The following MAP1A variants were observed in gnomAD, a reference collection of about 807,000 sequenced individuals.
The protein encoded by MAP1A is microtubule associated protein 1A, also known as microtubule-associated protein 1A.
In MAP1A, 42 loss-of-function variants were observed where a neutral mutation model predicts 185.9. The observed-to-expected ratio is 0.23, with a 90% CI of 0.18 to 0.29. The LOEUF is 0.29. Ranked by LOEUF, MAP1A falls within the 10% of genes least tolerant of loss-of-function variation. The pLI is 1.00. For synonymous variants in MAP1A, 1,229 were observed against 1,335.9 expected (o/e 0.92, Z 1.74); for missense variants, 2,995 against 3,450.4 (o/e 0.87, Z 3.31).
chr15:43,512,256 C>T, exon 2 of MAP1A: 1 of 1,549,108 alleles, frequency 6.5e-7, no homozygotes. Flanking sequence ...CTCTTCATTA[C>T]CCGGCACCTA....
chr15:43,512,097 T>C (rs892096562), intron 1 of MAP1A: 13 of 741,662 alleles, frequency 1.8e-5, no homozygotes, highest in African/African-American at 5.2e-5. Flanking sequence ...CTCCCTCTCC[T>C]TACCTGTTCT....
Position 43,527,751 on chromosome 15 carries a change from C to G in MAP1A, c.6278C>G (p.Pro2093Arg). 6.2e-7 allele frequency: 1 copy of G among 1,613,806 alleles called. No homozygotes were observed. Among genetic ancestry groups the G allele is most frequent in the Non-Finnish European group, 8.5e-7 (1 of 1,179,874 alleles). The change falls in exon 4 of 6, where the codon CCC (proline) becomes CGC (arginine). Residue 2093 changes from proline to arginine, a missense_variant. Transcript: ENST00000300231. ...SCSPDRRSPS[P>R]KESGRSHWDD... ...AGCCCAGATAGGAGGTCCCCATCCC[C>G]CAAGGAATCAGGCCGGAGTCACTGG...
At chr15:43,513,804 G>A (rs959302474), upstream of MAP1A, among the ~76,000 whole-genome samples, 13 of 152,098 alleles carry the variant, frequency 8.5e-5, no homozygotes, top group African/African-American at 2.4e-4. Flanking sequence ...GATGAAAATC[G>A]GCAGTTTTAC....
rs2079362300 is a variant in MAP1A, at chr15:43,529,470, T to C, written c.7997T>C (p.Met2666Thr). 1 of 1,612,376 alleles carries C rather than the reference T, an allele frequency of 6.2e-7. No homozygotes were observed. The highest frequency in any genetic ancestry group is 1.7e-5 in the Admixed American group (1 of 59,912). Residue 2666 changes from methionine (M) to threonine (T), a missense_variant, in exon 4 of 6, where the codon ATG (methionine) becomes ACG (threonine). Around this residue, in one of 3 missense-constraint regions of MAP1A, gnomAD observed 2,728 missense variants for 2,986.0 expected, o/e 0.91. Transcript: ENST00000300231. This position sits in a 1 kb window ranked among gnomAD's most constrained non-coding sequence, Gnocchi z 4.3. ...GAGGAAAAGGATGGACACAGCCCCA[T>C]GTCCAAAGGCCTAGTCAATGGACTC... Reference protein sequence around the residue: ...PAEEKDGHSPMSKGLVNGLKA... With the variant: ...PAEEKDGHSPTSKGLVNGLKA...
rs777636550 is a variant in MAP1A at position 43,526,015 on chromosome 15, G to A, written c.4542G>A (p.Thr1514=). 1.9e-5 allele frequency: 31 copies of A among 1,613,388 alleles called. No individual in the cohort carries two copies. The highest frequency in any genetic ancestry group is 2.7e-5 in the African/African-American group (2 of 74,762). ...RSVEHKAPED[T]VAEMKDRDLE... ...TTGAACATAAGGCTCCGGAGGACAC[G>A]GTCGCTGAAATGAAGGACAGAGACC... Residue 1514 remains threonine (T), a synonymous_variant, in exon 4 of 6, where the codon ACG becomes ACA. Transcript: ENST00000300231. This position sits in a 1 kb window ranked among gnomAD's most constrained non-coding sequence, Gnocchi z 4.7.
At position 43,523,795 on chromosome 15, in the gene MAP1A, C is replaced by A. The variant is rs1304003921; in HGVS notation, c.2322C>A (p.Asp774Glu). ...APPRFHTSTY[D>E]LPGPEGAGPF... ...CCAGATTTCATACAAGTACATATGACCTGCCCGGGCCTGAAGGTGCTGGCC... is the reference window on the plus strand; with the variant it reads ...CCAGATTTCATACAAGTACATATGAACTGCCCGGGCCTGAAGGTGCTGGCC... Residue 774 changes from aspartate to glutamate, a missense_variant, in exon 4 of 6, where the codon GAC becomes GAA. Asp to Glu is a conservative substitution (Grantham distance 45). Around this residue, in one of 3 missense-constraint regions of MAP1A, gnomAD observed 2,728 missense variants for 2,986.0 expected, o/e 0.91. Coordinates refer to ENST00000300231, the MANE Select transcript of MAP1A (RefSeq NM_002373.6). 3 of 1,613,980 alleles carry A rather than the reference C, an allele frequency of 1.9e-6. No individual in the cohort carries two copies. In the African/African-American group the frequency reaches 4.0e-5, roughly 22 times the overall value.
chr15:43,514,810 A>G (rs547506148), upstream of MAP1A, among the ~76,000 whole-genome samples: 1 of 152,348 alleles, frequency 6.6e-6, no homozygotes, highest in South Asian at 2.1e-4. Context: ...AAATTCAGAA[A>G]CAATTAGGAC....
At chr15:43,512,983 C>T (rs1409283531), upstream of MAP1A, among the ~76,000 whole-genome samples, 1 of 152,164 alleles carries the variant, frequency 6.6e-6, no homozygotes, top group Admixed American at 6.6e-5. Flanking sequence ...TAGGCACTAC[C>T]ATTCCATGAC....
Position 43,530,317 on chromosome 15 carries a change from C to A in MAP1A, c.*93C>A. 2 of 1,497,940 alleles carry A rather than the reference C, an allele frequency of 1.3e-6. No homozygotes were observed. The highest frequency in any genetic ancestry group is 1.8e-6 in the Non-Finnish European group (2 of 1,101,852). The allele number at this position is 1,497,940 out of a possible 1,614,324, so 92.8% of individuals were successfully genotyped here. On this transcript the variant is annotated 3_prime_UTR_variant, in exon 6 of 6. Coordinates refer to ENST00000300231, the MANE Select transcript of MAP1A (RefSeq NM_002373.6). Reference sequence around the variant, plus strand: ...CCTTTGGGGTTGAGGGAGATGGGAGCTAGGGGGAGGGGAGGGAGATGTCTT... The same window carrying A: ...CCTTTGGGGTTGAGGGAGATGGGAGATAGGGGGAGGGGAGGGAGATGTCTT...
intron 1 of MAP1A, among the ~76,000 whole-genome samples, chr15:43,518,605 A>G (rs2079307245): frequency 6.6e-6 from 1 of 151,520 alleles, no homozygotes; most frequent in Middle Eastern, 3.4e-3. Flanking sequence ...GCGCACACTC[A>G]CACACTGCGG....
rs532302578 is a variant in MAP1A at position 43,520,785 on chromosome 15, C to G, written c.-292+62C>G. The G allele has an allele frequency of 7.2e-6, 10 of 1,396,196 alleles. No homozygotes were observed. In the South Asian group the frequency reaches 1.2e-4, roughly 17 times the overall value. 86.5% of individuals were successfully genotyped at this position (1,396,196 alleles called of 1,614,324 possible). On this transcript the variant is annotated intron_variant, in intron 2 of 5. Coordinates refer to ENST00000300231, the MANE Select transcript of MAP1A (RefSeq NM_002373.6). ...GTGCAAGTGCTATACCCACCCTTGC[C>G]AGTGCTACCACTATTAGGCCAAGAA...
At position 43,527,173 on chromosome 15, in the gene MAP1A, G is replaced by C; in HGVS notation, c.5700G>C (p.Gly1900=). 2 of 1,613,824 alleles carry C rather than the reference G, an allele frequency of 1.2e-6. No individual in the cohort carries two copies. Among genetic ancestry groups the C allele is most frequent in the Non-Finnish European group, 1.7e-6 (2 of 1,179,924 alleles). The change falls in exon 4 of 6, where the codon GGG becomes GGC. Residue 1900 remains glycine, a synonymous_variant. Transcript: ENST00000300231. The stretch of plus-strand genomic sequence containing the variant: ...AGGGGGCAGCTGAGTTGGAAGGTGG[G>C]CCATACTCCCCCCTGGGGAAGGACT... ...VQEGAAELEG[G]PYSPLGKDYR... is the part of the protein sequence containing the mutation.
At position 43,524,083 on chromosome 15, in the gene MAP1A, C is replaced by T; in HGVS notation, c.2610C>T (p.Asp870=). ...CAGGCAAGAGCTCCCTGCTGCTTGA[C>T]ACAGTCACAAGCATCCCTTCCTCCC... ...EETGKSSLLL[D]TVTSIPSSRT... The change falls in exon 4 of 6, where the codon GAC becomes GAT. Residue 870 remains aspartate, a synonymous_variant. Transcript: ENST00000300231. 1 of 1,614,130 alleles carries T rather than the reference C, an allele frequency of 6.2e-7. No individual in the cohort carries two copies. The highest frequency in any genetic ancestry group is 8.5e-7 in the Non-Finnish European group (1 of 1,180,038).
rs145659671 is a variant in MAP1A, at chr15:43,525,917, G to A, written c.4444G>A (p.Asp1482Asn). ...AAAAGATAAAGACTTGGAACAAAAG[G>A]ACAGGGTCCTAGAACAGAAGGAGAA... Reference protein sequence around the residue: ...EPKDKDLEQKDRVLEQKEKIP... With the variant: ...EPKDKDLEQKNRVLEQKEKIP... Residue 1482 changes from aspartate to asparagine, a missense_variant, in exon 4 of 6, where the codon GAC becomes AAC. Asp to Asn is a conservative substitution (Grantham distance 23, BLOSUM62 1). This residue lies in a region of MAP1A where 2,728 missense variants were observed against 2,986.0 expected (regional missense o/e 0.91). Transcript: ENST00000300231. 0.013 allele frequency: 20,586 copies of A among 1,613,748 alleles called. 158 individuals carry two copies. Among genetic ancestry groups the A allele is most frequent in the Non-Finnish European group, 0.015 (17,697 of 1,179,786 alleles).
exon 2 of MAP1A, chr15:43,512,218 A>G: frequency 6.5e-7 from 1 of 1,549,562 alleles, no homozygotes; most frequent in Non-Finnish European, 8.7e-7. Flanking sequence ...TTGACCTGTC[A>G]TCCTTTGACT....
chr15:43,528,847 C>T lies in MAP1A; in HGVS notation c.7374C>T (p.Pro2458=). ...CATCCTTCCTGAACCCACCTCTGCC[C>T]CCATCCATAGATGATAGGGACCTCT... ...LSPSFLNPPL[P]PSIDDRDLST... Residue 2458 remains proline, a synonymous_variant, in exon 4 of 6, where the codon CCC becomes CCT. Coordinates refer to ENST00000300231, the MANE Select transcript of MAP1A (RefSeq NM_002373.6). The T allele has an allele frequency of 6.2e-7, 1 of 1,613,432 alleles. No homozygotes were observed.
In MAP1A at chr15:43,528,632, G is replaced by A. The variant is rs1473797901; in HGVS notation, c.7159G>A (p.Ala2387Thr). 1 of 1,613,102 alleles carries A rather than the reference G, an allele frequency of 6.2e-7. No homozygotes were observed. Among genetic ancestry groups the A allele is most frequent in the East Asian group, 2.2e-5 (1 of 44,864 alleles). ...AAATGAAGAGGCTGCGGCTTGCCCTGCCTGGGAACGTGGGGCCTGGCCTGA... is the reference window on the plus strand; with the variant it reads ...AAATGAAGAGGCTGCGGCTTGCCCTACCTGGGAACGTGGGGCCTGGCCTGA... ...AENEEAAACP[A>T]WERGAWPEGA... Residue 2387 changes from alanine to threonine, a missense_variant, in exon 4 of 6, where the codon GCC becomes ACC. Transcript: ENST00000300231.
Position 43,528,348 on chromosome 15 carries a change from G to A in MAP1A, c.6875G>A (p.Gly2292Glu). ...CAGGAGTCTGGAGAGCTGGACCCAG[G>A]AATGGAACCAGCTGCCCACAGCCTC... The part of the protein sequence containing the change: ...AEQESGELDP[G>E]MEPAAHSLWD... Residue 2292 changes from glycine (G) to glutamate (E), a missense_variant, in exon 4 of 6, where the codon GGA (glycine) becomes GAA (glutamate). Coordinates refer to ENST00000300231, the MANE Select transcript of MAP1A (RefSeq NM_002373.6). 1 of 1,614,066 alleles carries A rather than the reference G, an allele frequency of 6.2e-7. No homozygotes were observed. Among genetic ancestry groups the A allele is most frequent in the Non-Finnish European group, 8.5e-7 (1 of 1,180,028 alleles).
At position 43,522,328 on chromosome 15, in the gene MAP1A, T is replaced by C; in HGVS notation, c.855T>C (p.His285=). The C allele has an allele frequency of 6.2e-7, 1 of 1,614,124 alleles. No individual in the cohort carries two copies. Among genetic ancestry groups the C allele is most frequent in the Non-Finnish European group, 8.5e-7 (1 of 1,180,020 alleles). Reference sequence around the variant, plus strand: ...TGGAGGGCCTAGAAAAGCTTCGGCATCTGGACTTCCTGCGTTACCCTGTGG... The same window carrying C: ...TGGAGGGCCTAGAAAAGCTTCGGCACCTGGACTTCCTGCGTTACCCTGTGG... ...KILEGLEKLR[H]LDFLRYPVAT... Residue 285 remains histidine (H), a synonymous_variant, in exon 4 of 6, where the codon CAT becomes CAC. Coordinates refer to ENST00000300231, the MANE Select transcript of MAP1A (RefSeq NM_002373.6). This position sits in a 1 kb window ranked among gnomAD's most constrained non-coding sequence, Gnocchi z 5.9.
Sources: allele counts gnomAD v4.1 joint callset (sites outside exome capture counted in the v4.1 genomes callset), GRCh38; gene constraint gnomAD v4.1.1; regional missense constraint gnomAD v4.1.1; non-coding constraint Gnocchi (gnomAD v3.1); transcripts MANE v1.5; gene names NCBI Gene and HGNC (gene_info 2026-07-23, HGNC 2026-07-21).